Variants in CDC37L1 observed in about 807,000 individuals in gnomAD.
The protein encoded by CDC37L1 is cell division cycle 37 like 1, HSP90 cochaperone.
In CDC37L1, 32 loss-of-function variants were observed where a neutral mutation model predicts 45.9. That is an observed-to-expected ratio of 0.70 (90% CI 0.53 to 0.94). The LOEUF (loss-of-function observed/expected upper bound fraction) is 0.94, where lower values mean the gene tolerates loss of function less well. CDC37L1 is among the 40% of genes least tolerant of loss of function. CDC37L1 has a pLI of 0.00. For missense variants in CDC37L1, 434 were observed against 405.7 expected, an observed-to-expected ratio of 1.07 and a Z score of -0.60; for synonymous variants, 150 against 133.0, an observed-to-expected ratio of 1.13 and a Z score of -0.88.
chr9:4,693,171 A>G (rs7038958), intron 3 of CDC37L1, among the ~76,000 whole-genome samples: 19,840 of 151,832 alleles, frequency 0.13, 1,987 homozygotes, highest in African/African-American at 0.27. Flanking sequence ...AGCCTGGCAT[A>G]GTGGTTCTGC....
Position 4,698,127 on chromosome 9 carries a change from AACTTACGTTC to A in CDC37L1, c.747+249_747+258del, listed in dbSNP as rs1841364609. ...TTTAAATGAATGTGTGTATTCAGGA[AACTTACGTTC>A]CATCATTAATTCATTCAGTAAATAC... is the stretch of plus-strand genomic sequence containing the variant. On this transcript the variant is annotated intron_variant, in intron 5 of 6. Coordinates refer to ENST00000381854, the MANE Select transcript of CDC37L1 (RefSeq NM_017913.4). Among the ~76,000 whole-genome samples the A allele has an allele frequency of 2.6e-5, 4 of 152,326 alleles. 1 individual carries two copies. The highest frequency in any genetic ancestry group is 2.6e-4 in the Admixed American group (4 of 15,296).
At chr9:4,703,883 G>C (rs377033751) in intron 6 of CDC37L1, among the ~76,000 whole-genome samples, 1 of 152,162 alleles carries the variant, frequency 6.6e-6, no homozygotes, top group African/African-American at 2.4e-5. Flanking sequence ...TATTATCAGG[G>C]TTATTCAGAT....
chr9:4,702,076 T>A (rs779034179), intron 6 of CDC37L1, 48 bp downstream of exon 6: 2 of 1,025,228 alleles, frequency 2.0e-6, no homozygotes, highest in East Asian at 2.9e-5. Flanking sequence ...TTAATTCACA[T>A]AATTTTTGTT....
In CDC37L1 at chr9:4,707,229, A is replaced by G. The variant is rs529856892; in HGVS notation, c.*1117A>G. The G allele has an allele frequency of 1.7e-4, 25 of 150,800 alleles. No individual in the cohort carries two copies. Among genetic ancestry groups the G allele is most frequent in the African/African-American group, 6.2e-4 (25 of 40,610 alleles). The allele number at this position is 150,800 out of a possible 1,614,324, so 9.3% of individuals were successfully genotyped here. A position where few individuals can be genotyped will look rare whatever the true frequency, so the allele number is the denominator to read the frequency against. ...AGCTTTACTACTTCCTCTGTAAGTC[A>G]TTTCAGTTATGCCAGGATATTTGAT... On this transcript the variant is annotated 3_prime_UTR_variant, in exon 7 of 7. Transcript: ENST00000381854.
At chr9:4,682,016 A>G (rs960609019) in intron 1 of CDC37L1, among the ~76,000 whole-genome samples, 3 of 152,222 alleles carry the variant, frequency 2.0e-5, no homozygotes, top group Non-Finnish European at 4.4e-5. Context: ...TTGTCTGGGT[A>G]GTTTGTGGAG....
intron 1 of CDC37L1, among the ~76,000 whole-genome samples, chr9:4,683,717 T>C (rs1587615095): frequency 6.6e-6 from 1 of 151,734 alleles, no homozygotes; most frequent in African/African-American, 2.4e-5. Context: ...GGGATAAGAG[T>C]CTGCATTTGT....
chr9:4,704,277 A>C (rs565166431), intron 6 of CDC37L1, among the ~76,000 whole-genome samples: 1 of 152,210 alleles, frequency 6.6e-6, no homozygotes, highest in Non-Finnish European at 1.5e-5. Flanking sequence ...GCCTGAGGTC[A>C]ACACAATAAG....
chr9:4,704,176 C>G (rs1438257326), intron 6 of CDC37L1, among the ~76,000 whole-genome samples: 4 of 152,204 alleles, frequency 2.6e-5, no homozygotes, highest in African/African-American at 9.7e-5. Context: ...CACTTTCACA[C>G]ATATTATTTA....
chr9:4,706,065 G>A lies in CDC37L1; in HGVS notation c.967G>A (p.Val323Met), dbSNP rs1316966505. ...ISTALCSLNS[V>M]VHKEDDEPKM... The stretch of plus-strand genomic sequence containing the variant: ...TACAGCTCTCTGCAGCTTAAACTCG[G>A]TGGTACATAAAGAAGATGATGAACC... The change falls in exon 7 of 7, where the codon GTG becomes ATG. Residue 323 changes from valine to methionine, a missense_variant. Transcript: ENST00000381854. 5 of 1,607,314 alleles carry A rather than the reference G, an allele frequency of 3.1e-6. No homozygotes were observed. In the South Asian group the frequency reaches 5.5e-5, roughly 18 times the overall value.
At chr9:4,683,646 A>G (rs1026330781) in intron 1 of CDC37L1, among the ~76,000 whole-genome samples, 20 of 152,214 alleles carry the variant, frequency 1.3e-4, no homozygotes, top group Admixed American at 5.2e-4. Context: ...AAGAATGAAA[A>G]AAAAGATCAG....
At chr9:4,693,922 G>A (rs561157256) in intron 3 of CDC37L1, among the ~76,000 whole-genome samples, 70 of 152,292 alleles carry the variant, frequency 4.6e-4, no homozygotes, top group Non-Finnish European at 8.1e-4. Context: ...TAGTAAAATG[G>A]TGAAGCCAGT....
intron 1 of CDC37L1, among the ~76,000 whole-genome samples, chr9:4,684,470 G>C (rs1334887058): frequency 1.3e-5 from 2 of 152,112 alleles, no homozygotes; most frequent in South Asian, 4.1e-4. Flanking sequence ...TTTTTTTGTA[G>C]TGAAGAATTT....
rs1023299757 is a variant in CDC37L1, at chr9:4,707,160, T to G, written c.*1048T>G. ...TGGTAATGATGGCATTTACAACATT[T>G]GGCATTTCCCCTTTTTCAGCTCAGT... On this transcript the variant is annotated 3_prime_UTR_variant, in exon 7 of 7. Transcript: ENST00000381854. 2.0e-5 allele frequency: 3 copies of G among 152,216 alleles called. No individual in the cohort carries two copies. The highest frequency in any genetic ancestry group is 7.2e-5 in the African/African-American group (3 of 41,458). The allele number at this position is 152,216 out of a possible 1,614,324, so 9.4% of individuals were successfully genotyped here.
At chr9:4,688,469 T>G (rs977840531) in intron 2 of CDC37L1, 44 bp from the exon 3 acceptor site, 1 of 1,044,056 alleles carries the variant, frequency 9.6e-7, no homozygotes, top group African/African-American at 1.6e-5. Context: ...GAAGATTCAA[T>G]TAGAATTTAA....
rs780990028 is a variant in CDC37L1, at chr9:4,706,083, G to C, written c.985G>C (p.Asp329His). 6 of 1,596,106 alleles carry C rather than the reference G, an allele frequency of 3.8e-6. No homozygotes were observed. Among genetic ancestry groups the C allele is most frequent in the Admixed American group, 1.7e-5 (1 of 59,950 alleles). Residue 329 changes from aspartate (D) to histidine (H), a missense_variant, in exon 7 of 7, where the codon GAT (aspartate) becomes CAT (histidine). Coordinates refer to ENST00000381854, the MANE Select transcript of CDC37L1 (RefSeq NM_017913.4). Reference sequence around the variant, plus strand: ...AAACTCGGTGGTACATAAAGAAGATGATGAACCCAAAATGATGGACACTGT... The same window carrying C: ...AAACTCGGTGGTACATAAAGAAGATCATGAACCCAAAATGATGGACACTGT... ...SLNSVVHKED[D>H]EPKMMDTV
At chr9:4,691,826 T>G (rs1841303538) in intron 3 of CDC37L1, among the ~76,000 whole-genome samples, 1 of 152,220 alleles carries the variant, frequency 6.6e-6, no homozygotes, top group Non-Finnish European at 1.5e-5. Flanking sequence ...GTATTTAGTT[T>G]ATTAATTTAG....
intron 6 of CDC37L1, 72 bp downstream of exon 6, chr9:4,702,100 C>CA: frequency 1.9e-6 from 1 of 529,600 alleles, no homozygotes; most frequent in Non-Finnish European, 2.9e-6. Context: ...TTGCCCCACT[C>CA]TTTTTTTTTT....
chr9:4,681,347 C>G (rs921575280), intron 1 of CDC37L1, among the ~76,000 whole-genome samples: 5 of 152,158 alleles, frequency 3.3e-5, no homozygotes, highest in Non-Finnish European at 7.3e-5. Context: ...TTCCCTGAGG[C>G]CATGTAACTA....
chr9:4,705,495 A>G (rs943076594), intron 6 of CDC37L1, among the ~76,000 whole-genome samples: 3 of 152,198 alleles, frequency 2.0e-5, no homozygotes, highest in Non-Finnish European at 4.4e-5. Context: ...AATACATCTC[A>G]AAAGTGTACA....
Sources: allele counts gnomAD v4.1 joint callset (sites outside exome capture counted in the v4.1 genomes callset), GRCh38; gene constraint gnomAD v4.1.1; transcripts MANE v1.5; gene names NCBI Gene and HGNC (gene_info 2026-07-23, HGNC 2026-07-21).